GLMN: variants seen among roughly 807,000 people sequenced by gnomAD.
The protein encoded by GLMN is glomulin, FKBP associated protein.
In GLMN, 75 loss-of-function variants were observed where a neutral mutation model predicts 87.8. That is an observed-to-expected ratio of 0.85 (90% CI 0.71 to 1.04). GLMN has a LOEUF of 1.04. Ranked by LOEUF, GLMN falls within the 50% of genes least tolerant of loss-of-function variation. The pLI, the probability that GLMN is intolerant of heterozygous loss-of-function variation, is 0.00. For synonymous variants in GLMN, 206 were observed against 221.6 expected (o/e 0.93, Z 0.63); for missense variants, 588 against 658.8 (o/e 0.89, Z 1.18).
the GLMN span, among the ~76,000 whole-genome samples, chr1:92,336,864 A>G: frequency 6.6e-6 from 1 of 152,158 alleles, no homozygotes; most frequent in Non-Finnish European, 1.5e-5. Flanking sequence ...ACAGTGGGCA[A>G]TTTAATATTG....
At chr1:92,295,610 C>T (rs1388525262) in intron 3 of GLMN, among the ~76,000 whole-genome samples, 3 of 152,132 alleles carry the variant, frequency 2.0e-5, no homozygotes, top group African/African-American at 7.2e-5. Context: ...CTCAATCAAG[C>T]AATCCCCTGT....
chr1:92,286,909 T>A (rs191792380), intron 6 of GLMN, among the ~76,000 whole-genome samples: 1 of 152,216 alleles, frequency 6.6e-6, no homozygotes, highest in Non-Finnish European at 1.5e-5. Context: ...AGCGCCTTAA[T>A]TGCAGACTTC....
rs1423314809 is a variant in GLMN, at chr1:92,247,264, A to G, written c.1586-120T>C. 4 of 727,504 alleles carry G rather than the reference A, an allele frequency of 5.5e-6. 1 individual carries two copies. Among genetic ancestry groups the G allele is most frequent in the East Asian group, 5.0e-5 (2 of 39,624 alleles). The allele number at this position is 727,504 out of a possible 1,614,324, so 45.1% of individuals were successfully genotyped here. ...GTTATTTGTATAAATTATTAAGTCC[A>G]TTGTTTAACAGCTCAGGGTATACTT... is the stretch of plus-strand genomic sequence containing the variant. On this transcript the variant is annotated intron_variant, in intron 17 of 18. Transcript: ENST00000370360.
intron 16 of GLMN, among the ~76,000 whole-genome samples, chr1:92,255,169 T>C (rs1015816098): frequency 6.6e-6 from 1 of 151,078 alleles, no homozygotes; most frequent in Admixed American, 6.6e-5. Flanking sequence ...AAGAAGGGCA[T>C]TACATAATGG....
chr1:92,309,574 TACATATACATACACATAC>T, the GLMN span, among the ~76,000 whole-genome samples: 54 of 9,816 alleles, frequency 5.5e-3, no homozygotes, highest in African/African-American at 0.023. Context: ...CATACACATA[TACATATACATACACATAC>T]ACATACACAT....
At chr1:92,281,494 G>C (rs773887676) in intron 7 of GLMN, among the ~76,000 whole-genome samples, 17 of 152,082 alleles carry the variant, frequency 1.1e-4, no homozygotes, top group Admixed American at 3.3e-4. Flanking sequence ...AGGAACGACC[G>C]GTACCAGCTA....
chr1:92,319,057 A>T, the GLMN span, among the ~76,000 whole-genome samples: 1 of 152,166 alleles, frequency 6.6e-6, no homozygotes, highest in Non-Finnish European at 1.5e-5. Context: ...AAGAGAAAAA[A>T]GGGAGAGGTT....
chr1:92,281,963 GGTTTATAAA>G (rs1307858594), intron 7 of GLMN, among the ~76,000 whole-genome samples: 2 of 152,164 alleles, frequency 1.3e-5, no homozygotes. Flanking sequence ...GGAGCACCCA[GGTTTATAAA>G]GCAAGTCCTT....
At chr1:92,299,055 C>A, upstream of GLMN, 1 of 1,437,146 alleles carries the variant, frequency 7.0e-7, no homozygotes, top group Non-Finnish European at 9.3e-7. Context: ...TGTCCCCGTC[C>A]GGCAGACTAC....
the GLMN span, among the ~76,000 whole-genome samples, chr1:92,337,961 G>A: frequency 1.8e-4 from 27 of 152,168 alleles, no homozygotes; most frequent in Admixed American, 1.6e-3. Flanking sequence ...CTATTCCCAA[G>A]ATATGTTCTT....
At chr1:92,335,106 G>A in the GLMN span, among the ~76,000 whole-genome samples, 1 of 152,152 alleles carries the variant, frequency 6.6e-6, no homozygotes, top group Non-Finnish European at 1.5e-5. Context: ...GATTATGCTC[G>A]TGATTAAACT....
chr1:92,258,920 G>A (rs1191988938), intron 16 of GLMN, among the ~76,000 whole-genome samples: 1 of 151,818 alleles, frequency 6.6e-6, no homozygotes, highest in Non-Finnish European at 1.5e-5. Flanking sequence ...AAACTTAAAT[G>A]AGCACCCAAA....
the GLMN span, chr1:92,307,175 A>C: frequency 6.3e-7 from 1 of 1,580,546 alleles, no homozygotes; most frequent in Non-Finnish European, 8.7e-7. Flanking sequence ...TAGATTTATA[A>C]TGTTCTTTTC....
intron 16 of GLMN, among the ~76,000 whole-genome samples, chr1:92,254,959 T>C (rs1654021855): frequency 6.6e-6 from 1 of 152,052 alleles, no homozygotes; most frequent in Admixed American, 6.6e-5. Flanking sequence ...AAGCACAGAC[T>C]GGCAAATTGA....
chr1:92,308,323 G>T, the GLMN span, among the ~76,000 whole-genome samples: 4 of 152,102 alleles, frequency 2.6e-5, no homozygotes, highest in Non-Finnish European at 4.4e-5. Context: ...CAGCTTCCTT[G>T]TTGGGAAAAT....
Position 92,289,016 on chromosome 1 carries a change from C to A in GLMN, c.530G>T (p.Cys177Phe), listed in dbSNP as rs1410094912. 2 of 1,609,832 alleles carry A rather than the reference C, an allele frequency of 1.2e-6. No homozygotes were observed. The highest frequency in any genetic ancestry group is 1.7e-5 in the Admixed American group (1 of 60,004). ...CTTAGTGAACTCTATTAAGGCCTTG[C>A]AACACTGACAAAGGCCATAGTCATC... ...QMDDYGLCQC[C>F]KALIEFTKPF... Residue 177 changes from cysteine (C) to phenylalanine (F), a missense_variant, in exon 6 of 19, where the codon TGC (cysteine) becomes TTC (phenylalanine). Transcript: ENST00000370360.
the GLMN span, among the ~76,000 whole-genome samples, chr1:92,329,042 G>C: frequency 2.2e-4 from 34 of 152,332 alleles, no homozygotes; most frequent in Non-Finnish European, 5.9e-5. Flanking sequence ...GGAGGTACAG[G>C]GGAGTGAAGT....
At chr1:92,271,721 A>G in intron 7 of GLMN, 69 bp from the exon 8 acceptor site, 2 of 1,025,648 alleles carry the variant, frequency 1.9e-6, no homozygotes. Context: ...CGTGTATTCA[A>G]ACTCCACATT....
chr1:92,331,159 T>C, the GLMN span, among the ~76,000 whole-genome samples: 4 of 152,250 alleles, frequency 2.6e-5, no homozygotes, highest in African/African-American at 7.2e-5. Flanking sequence ...AAAATTGTTA[T>C]GTCTTCCTGG....
Sources: gnomAD v4.1 joint callset for allele counts (sites outside exome capture counted in the v4.1 genomes callset) on GRCh38, gnomAD v4.1.1 for gene constraint, MANE v1.5 for transcripts, NCBI Gene and HGNC (gene_info 2026-07-23, HGNC 2026-07-21) for gene names.